The following C4orf51 variants were observed in gnomAD, a reference collection of about 807,000 sequenced individuals.
The protein encoded by C4orf51 is uncharacterized protein C4orf51.
C4orf51 carries 25 observed loss-of-function variants against 25.2 expected under a neutral mutation model. The ratio of observed to expected loss-of-function variants is 0.99; its 90% CI spans 0.72 to 1.39. The LOEUF (loss-of-function observed/expected upper bound fraction) is 1.39. C4orf51 is among the 40% of genes most tolerant of loss of function. The pLI, the probability that C4orf51 is intolerant of heterozygous loss-of-function variation, is 0.00. For missense variants in C4orf51, 252 were observed against 239.6 expected (o/e 1.05, Z -0.34); for synonymous variants, 100 against 84.5 (o/e 1.18, Z -1.01).
chr4:145,700,439 T>G (rs1730360106), intron 2 of C4orf51, among the ~76,000 whole-genome samples: 1 of 152,094 alleles, frequency 6.6e-6, no homozygotes, highest in Non-Finnish European at 1.5e-5. Context: ...CTTAAGAACT[T>G]AAAACCTCTT....
intron 1 of C4orf51, among the ~76,000 whole-genome samples, chr4:145,738,777 C>G (rs1444817340): frequency 6.6e-6 from 1 of 151,902 alleles, no homozygotes; most frequent in Non-Finnish European, 1.5e-5. Flanking sequence ...GTAGCTGGAA[C>G]CACAGGTGGG....
In C4orf51 at chr4:145,750,982, C is replaced by A. The variant is rs1314098509; in HGVS notation, n.168-3225C>A. Among the ~76,000 whole-genome samples the A allele has an allele frequency of 5.3e-5, 8 of 152,224 alleles. No individual in the cohort carries two copies. The East Asian group carries it at 1.5e-3, about 29-fold the overall frequency. ...ATCACATTTTTCAGCTCCAGAATTTCTGCTTGATTCTTTTTATTTCCATCT... is the reference window on the plus strand; with the variant it reads ...ATCACATTTTTCAGCTCCAGAATTTATGCTTGATTCTTTTTATTTCCATCT... On this transcript the variant is annotated intron_variant and non_coding_transcript_variant, in intron 1 of 1. Transcript: ENST00000508981.
At chr4:145,694,124 G>A (rs1289796090) in intron 1 of C4orf51, among the ~76,000 whole-genome samples, 5 of 105,416 alleles carry the variant, frequency 4.7e-5, no homozygotes, top group Admixed American at 1.9e-4. Context: ...GGGCAGAGGC[G>A]CTCCCCACAT....
chr4:145,746,925 ACTT>A (rs1384252403), intron 1 of C4orf51, among the ~76,000 whole-genome samples: 1 of 151,856 alleles, frequency 6.6e-6, no homozygotes, highest in Non-Finnish European at 1.5e-5. Context: ...GAGATCTTTC[ACTT>A]CTTTGATTAA....
At chr4:145,722,823 A>G (rs1731816671) in intron 2 of C4orf51, among the ~76,000 whole-genome samples, 1 of 152,124 alleles carries the variant, frequency 6.6e-6, no homozygotes, top group South Asian at 2.1e-4. Flanking sequence ...GATCAGTGGT[A>G]GCATGAGATT....
chr4:145,724,064 GT>G (rs1300392666), intron 2 of C4orf51, among the ~76,000 whole-genome samples: 3 of 152,102 alleles, frequency 2.0e-5, no homozygotes, highest in African/African-American at 4.8e-5. Context: ...CTAATGCCTG[GT>G]TTTTTTCCCC....
At chr4:145,779,477 T>G in the C4orf51 span, 1 of 1,614,240 alleles carries the variant, frequency 6.2e-7, no homozygotes, top group Non-Finnish European at 8.5e-7. Flanking sequence ...AGGATGGTAA[T>G]CCATTTCCTG....
At position 145,765,504 on chromosome 4, in the gene C4orf51, G is replaced by C. The variant is rs931233933; in HGVS notation, n.167-5484G>C. 4 of 1,561,250 alleles carry C rather than the reference G, an allele frequency of 2.6e-6. No homozygotes were observed. In the African/African-American group the frequency reaches 5.5e-5, roughly 21 times the overall value. The stretch of plus-strand genomic sequence containing the variant: ...CTTATTCTCAAGAATGGGTCATCCT[G>C]GGTGCGGAGGGTTGAGCAGGCTCAC... On this transcript the variant is annotated intron_variant and non_coding_transcript_variant, in intron 1 of 1. Transcript: ENST00000510096. The surrounding 1 kb of genome is among the most constrained non-coding windows in gnomAD (Gnocchi z 4.7).
At chr4:145,734,671 A>G (rs1019959158), downstream of C4orf51, among the ~76,000 whole-genome samples, 2 of 152,182 alleles carry the variant, frequency 1.3e-5, no homozygotes, top group African/African-American at 4.8e-5. Context: ...CATAAAACAA[A>G]AGCAAAGTAA....
At chr4:145,756,170 C>T (rs1733936005), downstream of C4orf51, among the ~76,000 whole-genome samples, 1 of 152,162 alleles carries the variant, frequency 6.6e-6, no homozygotes, top group Non-Finnish European at 1.5e-5. Context: ...TATGTGCTCA[C>T]CATGGTTTGC....
chr4:145,741,342 T>C (rs1733085575), intron 1 of C4orf51, among the ~76,000 whole-genome samples: 1 of 152,204 alleles, frequency 6.6e-6, no homozygotes. Context: ...TTTGACCTTT[T>C]TTTATTTTAA....
chr4:145,688,550 G>C (rs1232204541), intron 1 of C4orf51, among the ~76,000 whole-genome samples: 3 of 152,108 alleles, frequency 2.0e-5, no homozygotes, highest in Non-Finnish European at 2.9e-5. Flanking sequence ...AGTTTCCCCA[G>C]CATGCTCTAT....
At chr4:145,727,078 T>A in intron 3 of C4orf51, 109 bp downstream of exon 3, 1 of 820,278 alleles carries the variant, frequency 1.2e-6, no homozygotes, top group Admixed American at 2.3e-5. Context: ...TAAAAAACAA[T>A]ATTCACCAAA....
intron 2 of C4orf51, among the ~76,000 whole-genome samples, chr4:145,697,044 A>C (rs1248234124): frequency 1.0e-5 from 1 of 99,170 alleles, no homozygotes; most frequent in African/African-American, 4.3e-5. Flanking sequence ...AAAAAACAAA[A>C]CAAAACCAAC....
chr4:145,697,215 T>A (rs1730128047), intron 2 of C4orf51, among the ~76,000 whole-genome samples: 1 of 150,684 alleles, frequency 6.6e-6, no homozygotes, highest in South Asian at 2.1e-4. Context: ...TTTTCATGCC[T>A]CAGCCTCCCA....
intron 2 of C4orf51, among the ~76,000 whole-genome samples, chr4:145,714,453 C>T (rs1373193943): frequency 6.6e-6 from 1 of 152,180 alleles, no homozygotes; most frequent in Non-Finnish European, 1.5e-5. Flanking sequence ...GATCTCTAGA[C>T]TTGTTCTTCC....
chr4:145,726,347 C>T (rs998736716), intron 2 of C4orf51, among the ~76,000 whole-genome samples: 6 of 151,920 alleles, frequency 3.9e-5, no homozygotes, highest in African/African-American at 7.2e-5. Flanking sequence ...TGTAGCTATT[C>T]GAAAATATTC....
At chr4:145,702,726 C>A (rs568035090) in intron 2 of C4orf51, among the ~76,000 whole-genome samples, 169 of 152,298 alleles carry the variant, frequency 1.1e-3, no homozygotes, top group African/African-American at 3.8e-3. Context: ...GTCCTAGGTC[C>A]TCCCAATTCT....
At chr4:145,764,336 G>A (rs1405757590) in intron 1 of C4orf51, among the ~76,000 whole-genome samples, 1 of 152,158 alleles carries the variant, frequency 6.6e-6, no homozygotes, top group African/African-American at 2.4e-5. Context: ...CTGTGTGCCT[G>A]TTGGCACCTG....
Sources: allele counts gnomAD v4.1 joint callset (sites outside exome capture counted in the v4.1 genomes callset), GRCh38; gene constraint gnomAD v4.1.1; non-coding constraint Gnocchi (gnomAD v3.1); transcripts MANE v1.5; gene names NCBI Gene and HGNC (gene_info 2026-07-23, HGNC 2026-07-21).